The following KLF12 variants were observed in gnomAD, a reference collection of about 807,000 sequenced individuals.
KLF12 encodes KLF transcription factor 12.
Under a neutral mutation model 37.8 loss-of-function variants are expected in KLF12, and 9 were observed. The observed-to-expected ratio is 0.24, with a 90% confidence interval of 0.14 to 0.42. KLF12 has a LOEUF of 0.42. Ranked by LOEUF, KLF12 falls within the 10% of genes least tolerant of loss-of-function variation. The pLI is 1.00. For missense variants in KLF12, 411 were observed against 516.0 expected, an observed-to-expected ratio of 0.80 and a Z score of 1.97; for synonymous variants, 208 against 202.1, an observed-to-expected ratio of 1.03 and a Z score of -0.25.
At chr13:74,208,677 T>C in the KLF12 span, among the ~76,000 whole-genome samples, 1 of 152,066 alleles carries the variant, frequency 6.6e-6, no homozygotes, top group Non-Finnish European at 1.5e-5. Flanking sequence ...AAAAGAATGG[T>C]GTTTAAAAAC....
chr13:73,965,043 C>G (rs982874741), intron 2 of KLF12, among the ~76,000 whole-genome samples: 3 of 152,142 alleles, frequency 2.0e-5, no homozygotes, highest in Non-Finnish European at 2.9e-5. Context: ...CCTTGGCAGG[C>G]AGTCCCAAGG....
chr13:73,726,005 G>T (rs1566322219), intron 6 of KLF12, among the ~76,000 whole-genome samples: 1 of 151,856 alleles, frequency 6.6e-6, no homozygotes, highest in South Asian at 2.1e-4. Context: ...AGTAGCTGGG[G>T]TTACAGGCAT....
At chr13:73,862,452 A>G (rs1885977306) in intron 3 of KLF12, among the ~76,000 whole-genome samples, 1 of 152,194 alleles carries the variant, frequency 6.6e-6, no homozygotes, top group East Asian at 1.9e-4. Flanking sequence ...ATCTCTGGCA[A>G]TAAAATCCAT....
At chr13:74,072,393 ATATATATATATAT>A (rs1424174358) in intron 1 of KLF12, among the ~76,000 whole-genome samples, 4 of 131,044 alleles carry the variant, frequency 3.1e-5, no homozygotes, top group African/African-American at 8.6e-5. Flanking sequence ...ATATATATAT[ATATATATATATAT>A]AAAAGATTAT....
At chr13:73,908,121 G>A (rs531158797) in intron 3 of KLF12, among the ~76,000 whole-genome samples, 13 of 152,084 alleles carry the variant, frequency 8.5e-5, no homozygotes, top group East Asian at 3.9e-4. Flanking sequence ...TAATGCTTCC[G>A]GCCAGGCGCA....
At chr13:73,776,928 C>T (rs1445675985) in intron 5 of KLF12, among the ~76,000 whole-genome samples, 1 of 152,022 alleles carries the variant, frequency 6.6e-6, no homozygotes, top group Non-Finnish European at 1.5e-5. Flanking sequence ...TAAGACATAG[C>T]CTCTGATCTT....
intron 7 of KLF12, among the ~76,000 whole-genome samples, chr13:73,704,700 T>C (rs7335061): frequency 0.12 from 17,875 of 152,198 alleles, 1,332 homozygotes; most frequent in South Asian, 0.22. Flanking sequence ...GTTGGCCCCA[T>C]AGTACCCTGA....
At chr13:73,923,056 C>T (rs557889687) in intron 3 of KLF12, among the ~76,000 whole-genome samples, 2 of 152,132 alleles carry the variant, frequency 1.3e-5, no homozygotes, top group Admixed American at 6.5e-5. Flanking sequence ...ATTTAAATGC[C>T]AATTTTCATG....
intron 5 of KLF12, among the ~76,000 whole-genome samples, chr13:73,773,483 A>G (rs149557710): frequency 6.6e-6 from 1 of 152,294 alleles, no homozygotes; most frequent in East Asian, 1.9e-4. Flanking sequence ...ACCAGTATCA[A>G]TTCTGTTAAA....
At chr13:74,231,168 T>C in the KLF12 span, among the ~76,000 whole-genome samples, 2 of 152,036 alleles carry the variant, frequency 1.3e-5, no homozygotes, top group Admixed American at 1.3e-4. Context: ...CAGGTAAATG[T>C]CACTCCTTGG....
chr13:74,168,864 A>T, the KLF12 span, among the ~76,000 whole-genome samples: 2 of 152,198 alleles, frequency 1.3e-5, no homozygotes, highest in African/African-American at 4.8e-5. Flanking sequence ...CAAAGAAGAA[A>T]AGCTTTTGTG....
At chr13:74,030,748 G>T (rs973946316) in intron 1 of KLF12, among the ~76,000 whole-genome samples, 7 of 152,020 alleles carry the variant, frequency 4.6e-5, no homozygotes, top group Admixed American at 4.6e-4. Context: ...TCATTTCAGG[G>T]TGACATTTAA....
At chr13:73,999,500 C>A (rs576601730) in intron 1 of KLF12, among the ~76,000 whole-genome samples, 3 of 151,974 alleles carry the variant, frequency 2.0e-5, no homozygotes, top group East Asian at 1.9e-4. Flanking sequence ...TTGGGAGACC[C>A]AGGTGGGCAG....
intron 4 of KLF12, among the ~76,000 whole-genome samples, chr13:73,827,719 T>C (rs371744466): frequency 2.4e-4 from 36 of 152,232 alleles, no homozygotes; most frequent in African/African-American, 8.4e-4. Context: ...CCCATCACCA[T>C]GCTCGGCTAA....
At chr13:73,895,482 A>G (rs2139047755) in intron 3 of KLF12, among the ~76,000 whole-genome samples, 1 of 152,350 alleles carries the variant, frequency 6.6e-6, no homozygotes, top group South Asian at 2.1e-4. Context: ...AATTATATTT[A>G]AGACCTGAAA....
intron 4 of KLF12, among the ~76,000 whole-genome samples, chr13:73,826,645 C>A (rs746085004): frequency 6.6e-6 from 1 of 152,042 alleles, no homozygotes; most frequent in Non-Finnish European, 1.5e-5. Flanking sequence ...TTCCTTCTTC[C>A]ACAGTATTCT....
At chr13:74,201,323 TTGTAA>T in the KLF12 span, among the ~76,000 whole-genome samples, 15 of 152,302 alleles carry the variant, frequency 9.8e-5, no homozygotes, top group African/African-American at 3.6e-4. Context: ...CATCCTCTTG[TTGTAA>T]TGTAAGGTAC....
chr13:74,206,589 C>G, the KLF12 span, among the ~76,000 whole-genome samples: 1 of 152,150 alleles, frequency 6.6e-6, no homozygotes, highest in Non-Finnish European at 1.5e-5. Flanking sequence ...CCTTCATCCA[C>G]TGATCCAGGG....
At chr13:74,168,185 T>C in the KLF12 span, among the ~76,000 whole-genome samples, 42,673 of 152,198 alleles carry the variant, frequency 0.28, 9,523 homozygotes, top group African/African-American at 0.62. Context: ...GGTGGCTGTT[T>C]GAATTCTTTG....
Sources: gnomAD v4.1 joint callset for allele counts (sites outside exome capture counted in the v4.1 genomes callset) on GRCh38, gnomAD v4.1.1 for gene constraint, MANE v1.5 for transcripts, NCBI Gene and HGNC (gene_info 2026-07-23, HGNC 2026-07-21) for gene names.